The following SEC22C variants were observed in gnomAD, a reference collection of about 807,000 sequenced individuals.
SEC22C encodes vesicle-trafficking protein SEC22c.
SEC22C carries 29 observed loss-of-function variants against 34.7 expected under a neutral mutation model. The ratio of observed to expected loss-of-function variants is 0.84; its 90% confidence interval spans 0.62 to 1.14. SEC22C has a LOEUF of 1.14. SEC22C is among the 50% of genes most tolerant of loss of function. The probability of loss-of-function intolerance (pLI) is 0.00; values close to 1 mark genes in which losing one functional copy is unlikely to be tolerated. For synonymous variants in SEC22C, 117 were observed against 132.8 expected (o/e 0.88, Z 0.82); for missense variants, 337 against 369.0 (o/e 0.91, Z 0.71).
Position 42,548,482 on chromosome 3 carries a change from T to C in SEC22C, c.*4766A>G. 1 of 985,912 alleles carries C rather than the reference T, an allele frequency of 1.0e-6. No individual in the cohort carries two copies. The highest frequency in any genetic ancestry group is 1.5e-5 in the South Asian group (1 of 68,742). The allele number at this position is 985,912 out of a possible 1,614,324, so 61.1% of individuals were successfully genotyped here. On this transcript the variant is annotated 3_prime_UTR_variant, in exon 7 of 7. Coordinates refer to ENST00000264454, the MANE Select transcript of SEC22C (RefSeq NM_032970.4). Reference sequence around the variant, plus strand: ...GGGCAGATGTTTCCGAATCCAGCCATTCCCAGATTTCACTGACATGCCCTT... The same window carrying C: ...GGGCAGATGTTTCCGAATCCAGCCACTCCCAGATTTCACTGACATGCCCTT...
chr3:42,591,100 G>T (rs966862101), intron 1 of SEC22C: 1 of 1,026,596 alleles, frequency 9.7e-7, no homozygotes, highest in African/African-American at 1.6e-5. Context: ...GGGGTGCGGG[G>T]TGAGATGGGC....
chr3:42,570,627 C>A (rs1317715640), intron 1 of SEC22C, among the ~76,000 whole-genome samples: 1 of 152,140 alleles, frequency 6.6e-6, no homozygotes, highest in East Asian at 1.9e-4. Flanking sequence ...ATAAAAGCTA[C>A]TAAGTTTGCA....
At chr3:42,553,532 A>C in intron 6 of SEC22C, 84 bp from the exon 7 acceptor site, 1 of 1,520,362 alleles carries the variant, frequency 6.6e-7, no homozygotes, top group Non-Finnish European at 8.8e-7. Flanking sequence ...CACAGCTTCC[A>C]TGAAGAGTGT....
In SEC22C at chr3:42,561,259, A is replaced by G; in HGVS notation, c.384T>C (p.Tyr128=). 6.2e-7 allele frequency: 1 copy of G among 1,614,252 alleles called. No individual in the cohort carries two copies. Among genetic ancestry groups the G allele is most frequent in the Non-Finnish European group, 8.5e-7 (1 of 1,180,050 alleles). ...IIQKVKWHFN[Y]VSSSQMECSL... is the part of the protein sequence containing the mutation. The stretch of plus-strand genomic sequence containing the variant: ...TGCACTCCATCTGAGAGGAACTTAC[A>G]TAGTTAAAATGCCACTTCACTTTCT... The change falls in exon 4 of 7, where the codon TAT becomes TAC. Residue 128 remains tyrosine (Y), a synonymous_variant. Transcript: ENST00000264454.
At chr3:42,573,101 C>T (rs1370967040) in intron 1 of SEC22C, among the ~76,000 whole-genome samples, 1 of 152,188 alleles carries the variant, frequency 6.6e-6, no homozygotes, top group Non-Finnish European at 1.5e-5. Context: ...ATCCTCCCAC[C>T]TCGGCCTCTC....
rs912463569 is a variant in SEC22C, at chr3:42,549,703, G to A, written c.*3545C>T. The A allele has an allele frequency of 1.0e-5, 10 of 985,404 alleles. No homozygotes were observed. The African/African-American group carries it at 1.7e-4, about 17-fold the overall frequency. 61.0% of individuals were successfully genotyped at this position (985,404 alleles called of 1,614,324 possible). ...TTTTCTCATCCCTCCAGAGACTCCA[G>A]TTTCAGACTCTGTCTCCAGAGCTGG... On this transcript the variant is annotated 3_prime_UTR_variant, in exon 7 of 7. Coordinates refer to ENST00000264454, the MANE Select transcript of SEC22C (RefSeq NM_032970.4).
At chr3:42,555,355 A>T (rs1474030687) in intron 6 of SEC22C, among the ~76,000 whole-genome samples, 1 of 151,884 alleles carries the variant, frequency 6.6e-6, no homozygotes, top group Non-Finnish European at 1.5e-5. Context: ...TCAAAAAAAA[A>T]AAAGAAAAAA....
intron 1 of SEC22C, chr3:42,591,496 A>G (rs1252448616): frequency 6.3e-7 from 1 of 1,582,356 alleles, no homozygotes; most frequent in South Asian, 1.1e-5. Context: ...CCCGGCCTGC[A>G]CTGACCCTTT....
In SEC22C at chr3:42,563,536, A is replaced by C; in HGVS notation, c.333T>G (p.Ala111=). The C allele has an allele frequency of 6.2e-7, 1 of 1,609,744 alleles. No individual in the cohort carries two copies. ...AGGGTTACAAACCAAACTCAAGAAA[A>C]GCGTATGGCCTGGAGGCTAGGCCAA... ...TCIGLASRPY[A]FLEFDSIIQK... is the part of the protein sequence containing the mutation. The change falls in exon 3 of 7, where the codon GCT becomes GCG. Residue 111 remains alanine (A), a synonymous_variant. Coordinates refer to ENST00000264454, the MANE Select transcript of SEC22C (RefSeq NM_032970.4).
chr3:42,597,410 G>C lies in SEC22C; in HGVS notation c.-28+3550C>G, dbSNP rs370995770. 3.1e-4 allele frequency among the ~76,000 whole-genome samples: 47 copies of C among 152,272 alleles called. 1 individual carries two copies. The highest frequency in any genetic ancestry group is 1.1e-3 in the African/African-American group (45 of 41,554). On this transcript the variant is annotated intron_variant, in intron 1 of 6. Coordinates refer to the SEC22C transcript ENST00000417572. The stretch of plus-strand genomic sequence containing the variant: ...CTCTACTAAAAATACAAAAAAATTA[G>C]CCAGGTGTGGTGGCGTGTGCCTGTA...
At chr3:42,560,118 C>A (rs200455924) in intron 4 of SEC22C, among the ~76,000 whole-genome samples, 4,088 of 90,274 alleles carry the variant, frequency 0.045, 81 homozygotes, top group Non-Finnish European at 0.061. Flanking sequence ...CTCTCTCTCT[C>A]TCTATATATA....
In SEC22C at chr3:42,548,395, TTTG is replaced by T; in HGVS notation, c.*4850_*4852del. The T allele has an allele frequency of 1.4e-5, 8 of 592,480 alleles. No individual in the cohort carries two copies. In the South Asian group the frequency reaches 1.7e-4, roughly 12 times the overall value. 36.7% of individuals were successfully genotyped at this position (592,480 alleles called of 1,614,324 possible). Reference sequence around the variant, plus strand: ...GCATGGGTCAGAGGAATAGAATGGATTTGTTAATTTTACCCTAAATAAAAGGCG... The same window carrying T: ...GCATGGGTCAGAGGAATAGAATGGATTTAATTTTACCCTAAATAAAAGGCG... On this transcript the variant is annotated 3_prime_UTR_variant, in exon 7 of 7. Transcript: ENST00000264454.
At chr3:42,569,183 T>C in intron 1 of SEC22C, 110 bp from the exon 2 acceptor site, 4 of 674,926 alleles carry the variant, frequency 5.9e-6, no homozygotes, top group Non-Finnish European at 1.0e-5. Flanking sequence ...CTTACTATAA[T>C]TGCAAATGTT....
Position 42,551,623 on chromosome 3 carries a change from C to CCAT in SEC22C, c.*1622_*1624dup. 3 of 895,490 alleles carry CCAT rather than the reference C, an allele frequency of 3.4e-6. No individual in the cohort carries two copies. The highest frequency in any genetic ancestry group is 4.0e-6 in the Non-Finnish European group (3 of 747,924). The allele number at this position is 895,490 out of a possible 1,614,324, so 55.5% of individuals were successfully genotyped here. On this transcript the variant is annotated 3_prime_UTR_variant, in exon 7 of 7. Coordinates refer to ENST00000264454, the MANE Select transcript of SEC22C (RefSeq NM_032970.4). ...AAAGTGCTGGGAATACAGGCATGAG[C>CCAT]CATCATGCCTGGCCCATATCCAAAT...
chr3:42,559,135 T>A (rs752624980), intron 4 of SEC22C, among the ~76,000 whole-genome samples: 10 of 152,220 alleles, frequency 6.6e-5, no homozygotes, highest in Non-Finnish European at 1.2e-4. Flanking sequence ...TTAAATGGTG[T>A]CCCTCCCATT....
intron 1 of SEC22C, among the ~76,000 whole-genome samples, chr3:42,597,933 G>T (rs2125744256): frequency 6.6e-6 from 1 of 152,290 alleles, no homozygotes; most frequent in East Asian, 1.9e-4. Flanking sequence ...AATAACAAGT[G>T]TTGGTGATGA....
chr3:42,587,320 C>G lies in SEC22C; in HGVS notation c.-28+13640G>C, dbSNP rs541571048. The G allele has an allele frequency of 2.6e-5, 4 of 152,362 alleles. No individual in the cohort carries two copies. In the East Asian group the frequency reaches 5.8e-4, roughly 22 times the overall value. The allele number at this position is 152,362 out of a possible 1,614,324, so 9.4% of individuals were successfully genotyped here. On this transcript the variant is annotated intron_variant, in intron 1 of 6. Coordinates refer to the SEC22C transcript ENST00000417572. Reference sequence around the variant, plus strand: ...TTGCCTTTATACTGCCTTTATAAACCTTTTCTTCTGGAGGTCTTTCCCTGT... The same window carrying G: ...TTGCCTTTATACTGCCTTTATAAACGTTTTCTTCTGGAGGTCTTTCCCTGT...
chr3:42,594,544 C>A, intron 1 of SEC22C: 2 of 1,564,674 alleles, frequency 1.3e-6, no homozygotes, highest in Non-Finnish European at 1.8e-6. Flanking sequence ...TTCCATTTGG[C>A]TGTCGTGAGG....
chr3:42,553,141 T>C lies in SEC22C; in HGVS notation c.*107A>G. On this transcript the variant is annotated 3_prime_UTR_variant, in exon 7 of 7. Transcript: ENST00000264454. ...CCCAATTCCTGGTTTTTCAGTCCAG[T>C]TGGCTGAAAAGGATGGAAACTGGAG... 1 of 1,497,884 alleles carries C rather than the reference T, an allele frequency of 6.7e-7. No homozygotes were observed. The highest frequency in any genetic ancestry group is 8.8e-7 in the Non-Finnish European group (1 of 1,131,930). 92.8% of individuals were successfully genotyped at this position (1,497,884 alleles called of 1,614,324 possible).
Sources: gnomAD v4.1 joint callset for allele counts (sites outside exome capture counted in the v4.1 genomes callset) on GRCh38, gnomAD v4.1.1 for gene constraint, MANE v1.5 for transcripts, NCBI Gene and HGNC (gene_info 2026-07-23, HGNC 2026-07-21) for gene names.